FANCA: variants seen among roughly 807,000 people sequenced by gnomAD.
The protein encoded by FANCA is Fanconi anemia group A protein.
In FANCA, 236 loss-of-function variants were observed where a neutral mutation model predicts 194.3. That is an observed-to-expected ratio of 1.21 (90% CI 1.09 to 1.35). The LOEUF (loss-of-function observed/expected upper bound fraction) is 1.35, where lower values mean the gene tolerates loss of function less well. Among genes scored for constraint, FANCA ranks in the 40% most tolerant of loss-of-function variants. The pLI, the probability that FANCA is intolerant of heterozygous loss-of-function variation, is 0.00. For missense variants in FANCA, 2,628 were observed against 1,813.9 expected, an observed-to-expected ratio of 1.45 and a Z score of -8.15; for synonymous variants, 1,014 against 715.8, an observed-to-expected ratio of 1.42 and a Z score of -6.65.
rs1290617141 is a variant in FANCA at position 89,799,725 on chromosome 16, T to C, written c.793-87A>G. 5.4e-5 allele frequency: 64 copies of C among 1,176,076 alleles called. 1 individual carries two copies. The South Asian group carries it at 7.6e-4, about 14-fold the overall frequency. The allele number at this position is 1,176,076 out of a possible 1,614,324, so 72.9% of individuals were successfully genotyped here. On this transcript the variant is annotated intron_variant, in intron 8 of 42. Transcript: ENST00000389301. ...ATCACACAAGAGAATTATTACTTGTTACTCTAAAGTAAAGAAACGGCACTT... is the reference window on the plus strand; with the variant it reads ...ATCACACAAGAGAATTATTACTTGTCACTCTAAAGTAAAGAAACGGCACTT...
At chr16:89,803,479 C>T (rs2040528593) in intron 7 of FANCA, 138 bp from the exon 8 acceptor site, 1 of 767,660 alleles carries the variant, frequency 1.3e-6, no homozygotes, top group Non-Finnish European at 2.3e-6. Flanking sequence ...CTGCTCCTAA[C>T]CTGAGGAACG....
Position 89,810,805 on chromosome 16 carries a change from G to C in FANCA, c.427-3C>G, listed in dbSNP as rs2040847223. ...TCTAACAGGGAAGACAGCTTCTTCT[G>C]AAAAGAGAGATTACATTTTTTAAAA... On this transcript the variant is annotated splice_region_variant and splice_polypyrimidine_tract_variant and intron_variant, in intron 4 of 42. Coordinates refer to ENST00000389301, the MANE Select transcript of FANCA (RefSeq NM_000135.4). The C allele has an allele frequency of 6.2e-7, 1 of 1,612,348 alleles. No homozygotes were observed. Among genetic ancestry groups the C allele is most frequent in the East Asian group, 2.2e-5 (1 of 44,884 alleles).
intron 37 of FANCA, among the ~76,000 whole-genome samples, chr16:89,742,464 A>G (rs1051570948): frequency 2.6e-5 from 4 of 152,058 alleles, no homozygotes; most frequent in African/African-American, 9.7e-5. Context: ...ACATACAACC[A>G]TTTAAAAAAC....
intron 3 of FANCA, 70 bp from the exon 4 acceptor site, chr16:89,811,141 G>A (rs1247331030): frequency 1.3e-6 from 2 of 1,598,200 alleles, no homozygotes; most frequent in East Asian, 2.2e-5. Flanking sequence ...AAGACTTGCT[G>A]TTTAAAATGC....
At chr16:89,792,631 G>T in intron 11 of FANCA, 84 bp from the exon 12 acceptor site, 2 of 1,173,034 alleles carry the variant, frequency 1.7e-6, no homozygotes, top group Non-Finnish European at 1.3e-6. Flanking sequence ...CCACAGGGTC[G>T]GTGGGTCTCT....
Position 89,787,769 on chromosome 16 carries a change from A to G in FANCA, c.1360-2805T>C, listed in dbSNP as rs569986957. On this transcript the variant is annotated intron_variant, in intron 14 of 42. Transcript: ENST00000389301. ...CAAACAAAAAAACCCCACAAATTACATTTAACTACATAATGTGATATGCTG... is the reference window on the plus strand; with the variant it reads ...CAAACAAAAAAACCCCACAAATTACGTTTAACTACATAATGTGATATGCTG... 2.6e-5 allele frequency among the ~76,000 whole-genome samples: 4 copies of G among 152,108 alleles called. No individual in the cohort carries two copies. In the East Asian group the frequency reaches 5.8e-4, roughly 22 times the overall value.
At chr16:89,756,020 G>C (rs1470912337) in intron 30 of FANCA, among the ~76,000 whole-genome samples, 1 of 152,146 alleles carries the variant, frequency 6.6e-6, no homozygotes, top group Non-Finnish European at 1.5e-5. Flanking sequence ...ATTGCATGCC[G>C]CAACTGTAAC....
chr16:89,763,946 A>C (rs2039040066), intron 28 of FANCA, among the ~76,000 whole-genome samples: 1 of 148,638 alleles, frequency 6.7e-6, no homozygotes, highest in Non-Finnish European at 1.5e-5. Context: ...CAACAACAAC[A>C]ACAAAAAACA....
At chr16:89,799,019 T>C in intron 10 of FANCA, 147 bp downstream of exon 10, 1 of 1,614,224 alleles carries the variant, frequency 6.2e-7, no homozygotes. Flanking sequence ...GGTCGCCTCC[T>C]CCTCACGCAC....
At chr16:89,738,777 G>C (rs1369519857) in intron 42 of FANCA, 69 bp from the exon 43 acceptor site, 1 of 1,612,430 alleles carries the variant, frequency 6.2e-7, no homozygotes, top group Non-Finnish European at 8.5e-7. Flanking sequence ...GAGGGGCTCT[G>C]GCAGAAATAG....
rs756913569 is a variant in FANCA at position 89,767,209 on chromosome 16, G to A, written c.2533C>T (p.Leu845Phe). The change falls in exon 27 of 43, where the codon CTC becomes TTC. Residue 845 changes from leucine (L) to phenylalanine (F), a missense_variant. By Grantham distance (22) the Leu-to-Phe change is conservative. Coordinates refer to ENST00000389301, the MANE Select transcript of FANCA (RefSeq NM_000135.4). ...CGTGACTGGGAAGAAAACTTGCAGAGAGAGTAAGAAATTGCTGCTGTACAA... is the reference window on the plus strand; with the variant it reads ...CGTGACTGGGAAGAAAACTTGCAGAAAGAGTAAGAAATTGCTGCTGTACAA... ...KFCTAAISYS[L>F]CKFSSQSRDT... 6.2e-7 allele frequency: 1 copy of A among 1,613,484 alleles called. No individual in the cohort carries two copies. Among genetic ancestry groups the A allele is most frequent in the South Asian group, 1.1e-5 (1 of 91,070 alleles).
intron 7 of FANCA, among the ~76,000 whole-genome samples, chr16:89,804,557 G>C (rs1431793387): frequency 6.6e-6 from 1 of 152,058 alleles, no homozygotes; most frequent in Non-Finnish European, 1.5e-5. Flanking sequence ...CTGGACTCTG[G>C]TCCGAGCCAT....
chr16:89,767,219 A>C lies in FANCA; in HGVS notation c.2523T>G (p.Ile841Met), dbSNP rs559524394. The stretch of plus-strand genomic sequence containing the variant: ...AAGAAAACTTGCAGAGAGAGTAAGA[A>C]ATTGCTGCTGTACAAAATCTGAAAA... ...FFCLKFCTAA[I>M]SYSLCKFSSQ... is the part of the protein sequence containing the mutation. The change falls in exon 27 of 43, where the codon ATT becomes ATG. Residue 841 changes from isoleucine to methionine, a missense_variant. By Grantham distance (10) the Ile-to-Met change is conservative. Transcript: ENST00000389301. 1 of 1,612,754 alleles carries C rather than the reference A, an allele frequency of 6.2e-7. No homozygotes were observed. The highest frequency in any genetic ancestry group is 1.3e-5 in the African/African-American group (1 of 75,062).
chr16:89,739,537 C>G lies in FANCA; in HGVS notation c.3951G>C (p.Arg1317=), dbSNP rs1439529670. ...GATCCGGGGCCACACGGAGGAGGAG[C>G]CGCCCCAGCCTGAGGTCTGCAACAC... ...QLTESDLRLG[R]LLLRVAPDQH... The change falls in exon 40 of 43, where the codon CGG becomes CGC. Residue 1317 remains arginine (R), a synonymous_variant. Transcript: ENST00000389301. 4 of 1,551,186 alleles carry G rather than the reference C, an allele frequency of 2.6e-6. No individual in the cohort carries two copies. Among genetic ancestry groups the G allele is most frequent in the Non-Finnish European group, 3.5e-6 (4 of 1,147,044 alleles).
At chr16:89,802,066 A>G (rs1407811412) in intron 8 of FANCA, among the ~76,000 whole-genome samples, 1 of 152,196 alleles carries the variant, frequency 6.6e-6, no homozygotes, top group Non-Finnish European at 1.5e-5. Flanking sequence ...GTGCCCAACA[A>G]GAGATGACCG....
chr16:89,744,140 C>A (rs2062193204), intron 36 of FANCA, among the ~76,000 whole-genome samples: 1 of 152,214 alleles, frequency 6.6e-6, no homozygotes, highest in Non-Finnish European at 1.5e-5. Context: ...GGTGATCCAC[C>A]TGCCTTGGCC....
chr16:89,758,011 A>T (rs1598090449), intron 30 of FANCA, among the ~76,000 whole-genome samples: 1 of 151,984 alleles, frequency 6.6e-6, no homozygotes, highest in African/African-American at 2.4e-5. Context: ...ACCCGCCACC[A>T]CACTCAGCTA....
chr16:89,746,950 G>T, intron 33 of FANCA, 60 bp from the exon 34 acceptor site: 1 of 1,420,954 alleles, frequency 7.0e-7, no homozygotes, highest in Non-Finnish European at 9.7e-7. Context: ...AGACCAACAT[G>T]CAGAGTGGCT....
At chr16:89,815,462 T>G (rs1184642641) in intron 2 of FANCA, among the ~76,000 whole-genome samples, 1 of 147,622 alleles carries the variant, frequency 6.8e-6, no homozygotes, top group Middle Eastern at 3.3e-3. Context: ...TTCAAGCAAT[T>G]CTCCTGCCTC....
Sources: gnomAD v4.1 joint callset for allele counts (sites outside exome capture counted in the v4.1 genomes callset) on GRCh38, gnomAD v4.1.1 for gene constraint, MANE v1.5 for transcripts, NCBI Gene and HGNC (gene_info 2026-07-23, HGNC 2026-07-21) for gene names.